WDR70: variants seen among roughly 807,000 people sequenced by gnomAD.
WDR70 encodes the protein WD repeat-containing protein 70.
In WDR70, 53 loss-of-function variants were observed where a neutral mutation model predicts 88.6. The ratio of observed to expected loss-of-function variants is 0.60; its 90% CI spans 0.48 to 0.75. WDR70 has a LOEUF of 0.75. Ranked by LOEUF, WDR70 falls within the 30% of genes least tolerant of loss-of-function variation. The probability of loss-of-function intolerance (pLI) is 0.00; values close to 1 mark genes in which losing one functional copy is unlikely to be tolerated. For synonymous variants in WDR70, 280 were observed against 270.0 expected, an observed-to-expected ratio of 1.04 and a Z score of -0.36; for missense variants, 610 against 823.2, an observed-to-expected ratio of 0.74 and a Z score of 3.17.
intron 7 of WDR70, among the ~76,000 whole-genome samples, chr5:37,449,590 CAAAAAAAAAAAAATAAAAAATAA>C (rs202054838): frequency 4.8e-4 from 41 of 85,780 alleles, no homozygotes; most frequent in Admixed American, 9.8e-4. Flanking sequence ...AATTTTGTCT[CAAAAAAAAAAAAATAAAAAATAA>C]AAAATAAATA....
At chr5:37,544,562 A>G (rs1268321287) in intron 9 of WDR70, among the ~76,000 whole-genome samples, 4 of 152,236 alleles carry the variant, frequency 2.6e-5, no homozygotes, top group Non-Finnish European at 4.4e-5. Flanking sequence ...ATGGCATGGC[A>G]TAATGGAAAG....
intron 5 of WDR70, among the ~76,000 whole-genome samples, chr5:37,401,784 T>A (rs896220531): frequency 1.3e-5 from 2 of 152,162 alleles, no homozygotes; most frequent in Non-Finnish European, 2.9e-5. Context: ...GGATTTTTTT[T>A]AATTGACAGA....
intron 5 of WDR70, among the ~76,000 whole-genome samples, chr5:37,426,934 C>G (rs550653165): frequency 6.6e-6 from 1 of 152,020 alleles, no homozygotes; most frequent in Admixed American, 6.6e-5. Flanking sequence ...CACAACCATG[C>G]CCAGCTAATT....
chr5:37,390,619 CGTG>C (rs1748784448), intron 3 of WDR70, among the ~76,000 whole-genome samples: 2 of 151,608 alleles, frequency 1.3e-5, no homozygotes, highest in African/African-American at 4.8e-5. Context: ...GGATTACAGG[CGTG>C]AGCCACCACA....
At chr5:37,677,970 C>G (rs1279519104) in intron 10 of WDR70, among the ~76,000 whole-genome samples, 4 of 152,156 alleles carry the variant, frequency 2.6e-5, no homozygotes, top group Admixed American at 1.3e-4. Context: ...GAATTGATCC[C>G]TTTACCATTA....
chr5:37,685,069 T>C (rs2112624786), intron 10 of WDR70, among the ~76,000 whole-genome samples: 1 of 151,748 alleles, frequency 6.6e-6, no homozygotes, highest in African/African-American at 2.4e-5. Context: ...TTGGGGAGGG[T>C]CCAGTGTTCT....
At chr5:37,538,505 A>T (rs1381070625) in intron 9 of WDR70, among the ~76,000 whole-genome samples, 2 of 152,232 alleles carry the variant, frequency 1.3e-5, no homozygotes, top group Non-Finnish European at 2.9e-5. Flanking sequence ...GGGAGGATTC[A>T]GATGGCAATT....
chr5:37,679,044 T>C (rs529689858), intron 10 of WDR70, among the ~76,000 whole-genome samples: 1 of 152,376 alleles, frequency 6.6e-6, no homozygotes, highest in African/African-American at 2.4e-5. Flanking sequence ...GGCTTCTGCA[T>C]TCTTCACGTA....
chr5:37,432,969 G>A (rs1038321606), intron 5 of WDR70, among the ~76,000 whole-genome samples: 9 of 152,098 alleles, frequency 5.9e-5, no homozygotes, highest in Non-Finnish European at 8.8e-5. Context: ...TAAGATTTGC[G>A]CAAATTTTCT....
At chr5:37,471,192 A>G (rs1739316285) in intron 7 of WDR70, among the ~76,000 whole-genome samples, 1 of 152,154 alleles carries the variant, frequency 6.6e-6, no homozygotes, top group African/African-American at 2.4e-5. Flanking sequence ...ATTAGCAGGT[A>G]TTTCTAATAG....
At chr5:37,727,885 A>C (rs1034178124) in intron 17 of WDR70, among the ~76,000 whole-genome samples, 1 of 152,110 alleles carries the variant, frequency 6.6e-6, no homozygotes, top group Non-Finnish European at 1.5e-5. Flanking sequence ...CAGAATTTTC[A>C]GTTTCTAAAT....
chr5:37,673,583 A>ACCCTCCCC (rs1746094522), intron 10 of WDR70, among the ~76,000 whole-genome samples: 3 of 76,228 alleles, frequency 3.9e-5, no homozygotes, highest in East Asian at 4.9e-4. Context: ...GACTTTTCTT[A>ACCCTCCCC]CCCCCCCCCC....
intron 10 of WDR70, among the ~76,000 whole-genome samples, chr5:37,658,265 C>A (rs987006927): frequency 6.6e-6 from 1 of 151,604 alleles, no homozygotes; most frequent in Non-Finnish European, 1.5e-5. Context: ...CAGTTCAAAC[C>A]TGTGCTGTTC....
chr5:37,686,742 G>A (rs943726024), intron 10 of WDR70, among the ~76,000 whole-genome samples: 1 of 151,792 alleles, frequency 6.6e-6, no homozygotes, highest in Non-Finnish European at 1.5e-5. Flanking sequence ...GAGGTATACA[G>A]ACAATTTTTC....
intron 17 of WDR70, among the ~76,000 whole-genome samples, chr5:37,752,192 G>A (rs1047341141): frequency 6.6e-5 from 10 of 152,156 alleles, no homozygotes; most frequent in African/African-American, 2.4e-4. Flanking sequence ...GGGTGGTTAG[G>A]ATGGGTGAAG....
chr5:37,741,283 A>G (rs905519512), intron 17 of WDR70, among the ~76,000 whole-genome samples: 8 of 151,554 alleles, frequency 5.3e-5, no homozygotes, highest in African/African-American at 1.5e-4. Flanking sequence ...ATTTTGGTAG[A>G]ATAAACATGA....
intron 9 of WDR70, among the ~76,000 whole-genome samples, chr5:37,593,155 C>T (rs184318483): frequency 4.6e-5 from 7 of 152,242 alleles, no homozygotes; most frequent in Non-Finnish European, 7.4e-5. Context: ...CTCTGTCTCT[C>T]TCTCTCTTTT....
At chr5:37,408,668 A>G (rs983016330) in intron 5 of WDR70, among the ~76,000 whole-genome samples, 16 of 152,200 alleles carry the variant, frequency 1.1e-4, no homozygotes, top group African/African-American at 3.9e-4. Context: ...GAGTATCTAT[A>G]TTCAATATTT....
At chr5:37,596,154 T>C (rs2112457981) in intron 9 of WDR70, among the ~76,000 whole-genome samples, 1 of 152,272 alleles carries the variant, frequency 6.6e-6, no homozygotes, top group South Asian at 2.1e-4. Context: ...AAGATTGCGC[T>C]AACCAAATTT....
Sources: allele counts gnomAD v4.1 joint callset (sites outside exome capture counted in the v4.1 genomes callset), GRCh38; gene constraint gnomAD v4.1.1; transcripts MANE v1.5; gene names NCBI Gene and HGNC (gene_info 2026-07-23, HGNC 2026-07-21).